Variants in SDK1 observed in about 807,000 individuals in gnomAD.
The protein encoded by SDK1 is protein sidekick-1.
A neutral mutation model predicts 245.5 loss-of-function variants in SDK1; 157 were observed. The observed-to-expected ratio is 0.64, with a 90% CI of 0.56 to 0.73. The LOEUF is 0.73. Ranked by LOEUF, SDK1 falls within the 30% of genes least tolerant of loss-of-function variation. SDK1 has a pLI of 0.00. For missense variants in SDK1, 3,583 were observed against 3,002.3 expected (o/e 1.19, Z -4.52); for synonymous variants, 1,647 against 1,278.5 (o/e 1.29, Z -6.15).
intron 1 of SDK1, among the ~76,000 whole-genome samples, chr7:3,615,557 G>A (rs1418575756): frequency 2.6e-5 from 4 of 151,724 alleles, no homozygotes; most frequent in African/African-American, 7.2e-5. Flanking sequence ...TTAAGGGACA[G>A]CGACTGTGTC....
chr7:4,170,787 C>T (rs1781792461), intron 32 of SDK1, among the ~76,000 whole-genome samples: 1 of 152,112 alleles, frequency 6.6e-6, no homozygotes, highest in African/African-American at 2.4e-5. Context: ...ACATGCCCAG[C>T]CCTAAGGGAT....
At chr7:3,676,742 C>G (rs1583297469) in intron 4 of SDK1, among the ~76,000 whole-genome samples, 1 of 152,140 alleles carries the variant, frequency 6.6e-6, no homozygotes, top group African/African-American at 2.4e-5. Flanking sequence ...ATATGGATAT[C>G]CCATTATCCT....
intron 1 of SDK1, among the ~76,000 whole-genome samples, chr7:3,485,736 A>G (rs1427187263): frequency 1.2e-5 from 1 of 80,120 alleles, no homozygotes; most frequent in African/African-American, 5.1e-5. Context: ...TCTCTCTGGT[A>G]ATTTTTAAAC....
rs1779449793 is a variant in SDK1, at chr7:3,740,560, T to A, written c.714-80890T>A. ...CTTTTGAAGGCAGCTTCTTGACAGA[T>A]AAAATAGTAAGAATTATCTGTACTA... On this transcript the variant is annotated intron_variant, in intron 4 of 44. Coordinates refer to ENST00000404826, the MANE Select transcript of SDK1 (RefSeq NM_152744.4). Among the ~76,000 whole-genome samples the A allele has an allele frequency of 3.3e-5, 5 of 152,178 alleles. No individual in the cohort carries two copies. The South Asian group carries it at 1.0e-3, about 32-fold the overall frequency.
At chr7:3,530,026 T>TTTA (rs1231438670) in intron 1 of SDK1, among the ~76,000 whole-genome samples, 43 of 152,310 alleles carry the variant, frequency 2.8e-4, no homozygotes, top group African/African-American at 8.4e-4. Flanking sequence ...TTCCTTAGAA[T>TTTA]AGAGTTCTAA....
At chr7:4,226,477 A>C (rs1785454544) in intron 40 of SDK1, among the ~76,000 whole-genome samples, 1 of 151,334 alleles carries the variant, frequency 6.6e-6, no homozygotes, top group South Asian at 2.1e-4. Context: ...CCTTCCTTAC[A>C]CCCCCCGCAC....
chr7:3,838,633 C>A (rs1046297150), intron 5 of SDK1, among the ~76,000 whole-genome samples: 1 of 152,150 alleles, frequency 6.6e-6, no homozygotes, highest in African/African-American at 2.4e-5. Context: ...CACATAAACA[C>A]TGATGGTCCG....
In SDK1 at chr7:3,729,754, G is replaced by T. The variant is rs577444055; in HGVS notation, c.713+87649G>T. 2.6e-5 allele frequency among the ~76,000 whole-genome samples: 4 copies of T among 152,184 alleles called. 1 individual carries two copies. In the South Asian group the frequency reaches 6.2e-4, roughly 24 times the overall value. On this transcript the variant is annotated intron_variant, in intron 4 of 44. Transcript: ENST00000404826. Reference sequence around the variant, plus strand: ...TCAGTGGTTTCCATTGAGCCTGTGTGAACACGAAGATCTTTTTTAATGACC... The same window carrying T: ...TCAGTGGTTTCCATTGAGCCTGTGTTAACACGAAGATCTTTTTTAATGACC...
chr7:3,951,817 C>G lies in SDK1; in HGVS notation c.1047C>G (p.Ile349Met). 1 of 1,613,882 alleles carries G rather than the reference C, an allele frequency of 6.2e-7. No homozygotes were observed. Among genetic ancestry groups the G allele is most frequent in the Middle Eastern group, 1.6e-4 (1 of 6,062 alleles). ...GLHSFGRRLTISNPTSADTGP... is the reference protein window; with the variant it reads ...GLHSFGRRLTMSNPTSADTGP... ...ACAGCTTTGGAAGACGCCTCACCAT[C>G]AGCAACCCGACGTCCGCGGACACCG... The change falls in exon 7 of 45, where the codon ATC becomes ATG. Residue 349 changes from isoleucine to methionine, a missense_variant. Transcript: ENST00000404826.
chr7:4,114,543 G>A (rs781368688), intron 25 of SDK1, among the ~76,000 whole-genome samples: 29 of 152,178 alleles, frequency 1.9e-4, no homozygotes, highest in African/African-American at 6.3e-4. Context: ...GATAATTTTC[G>A]CTAACGATGA....
chr7:3,656,309 G>C (rs1419655960), intron 4 of SDK1, among the ~76,000 whole-genome samples: 2 of 152,114 alleles, frequency 1.3e-5, no homozygotes, highest in African/African-American at 4.8e-5. Context: ...GTATCTGCTA[G>C]ATAGTTTGTT....
intron 1 of SDK1, among the ~76,000 whole-genome samples, chr7:3,617,568 G>T (rs1781808156): frequency 6.6e-6 from 1 of 152,174 alleles, no homozygotes; most frequent in Non-Finnish European, 1.5e-5. Flanking sequence ...AAGTATATTT[G>T]ACTCTTGGTT....
intron 17 of SDK1, among the ~76,000 whole-genome samples, chr7:4,046,686 C>T (rs2128164731): frequency 6.6e-6 from 1 of 152,248 alleles, no homozygotes; most frequent in South Asian, 2.1e-4. Flanking sequence ...CTGTTGATTT[C>T]CAGTTAGTCT....
At position 4,205,992 on chromosome 7, in the gene SDK1, A is replaced by G; in HGVS notation, c.5212A>G (p.Lys1738Glu). Residue 1738 changes from lysine to glutamate, a missense_variant and splice_region_variant, in exon 36 of 45, where the codon AAG becomes GAG. Transcript: ENST00000404826. Reference protein sequence around the residue: ...ESQNGNIQGYKIYYWEADSQN... With the variant: ...ESQNGNIQGYEIYYWEADSQN... ...CCAGAATGGGAACATCCAAGGCTAC[A>G]AGGCAAGGCCCTCCCGTGCGGTTGC... 6.5e-7 allele frequency: 1 copy of G among 1,538,514 alleles called. No homozygotes were observed. The highest frequency in any genetic ancestry group is 2.5e-5 in the East Asian group (1 of 40,788).
At chr7:3,846,368 A>G (rs1320402943) in intron 5 of SDK1, among the ~76,000 whole-genome samples, 3 of 152,196 alleles carry the variant, frequency 2.0e-5, no homozygotes, top group Admixed American at 6.5e-5. Context: ...GGGGAATTCC[A>G]GCCTTTGATT....
chr7:3,749,062 C>G (rs541045514), intron 4 of SDK1, among the ~76,000 whole-genome samples: 51 of 152,196 alleles, frequency 3.4e-4, no homozygotes, highest in Non-Finnish European at 6.5e-4. Flanking sequence ...CATATTCTCA[C>G]TATTCTTTGC....
chr7:3,563,898 C>T (rs764267407), intron 1 of SDK1, among the ~76,000 whole-genome samples: 2 of 151,938 alleles, frequency 1.3e-5, no homozygotes, highest in South Asian at 2.1e-4. Flanking sequence ...AATGATAGTC[C>T]CTAACTCCCA....
chr7:3,550,848 T>C (rs1248875538), intron 1 of SDK1, among the ~76,000 whole-genome samples: 1 of 152,226 alleles, frequency 6.6e-6, no homozygotes, highest in Non-Finnish European at 1.5e-5. Flanking sequence ...TTTTACTGTA[T>C]TCAAGATTAG....
At chr7:3,558,779 A>G (rs1562562381) in intron 1 of SDK1, among the ~76,000 whole-genome samples, 1 of 152,256 alleles carries the variant, frequency 6.6e-6, no homozygotes, top group Non-Finnish European at 1.5e-5. Context: ...TTAATTCAGC[A>G]GAATTTTTCT....
Sources: gnomAD v4.1 joint callset for allele counts (sites outside exome capture counted in the v4.1 genomes callset) on GRCh38, gnomAD v4.1.1 for gene constraint, MANE v1.5 for transcripts, NCBI Gene and HGNC (gene_info 2026-07-23, HGNC 2026-07-21) for gene names.